LAMA4: variants seen among roughly 807,000 people sequenced by gnomAD.
The protein encoded by LAMA4 is laminin subunit alpha 4.
LAMA4 carries 127 observed loss-of-function variants against 207.1 expected under a neutral mutation model. The observed-to-expected ratio is 0.61, with a 90% CI of 0.53 to 0.71. The LOEUF is 0.71. Ranked by LOEUF, LAMA4 falls within the 30% of genes least tolerant of loss-of-function variation. LAMA4 has a pLI of 0.00. For missense variants in LAMA4, 2,093 were observed against 2,246.5 expected (o/e 0.93, Z 1.38); for synonymous variants, 761 against 816.0 (o/e 0.93, Z 1.15).
chr6:112,176,490 A>C lies in LAMA4; in HGVS notation c.1190-1010T>G, dbSNP rs146521090. Among the ~76,000 whole-genome samples the C allele has an allele frequency of 1.5e-3, 229 of 152,336 alleles. 1 individual carries two copies. Among genetic ancestry groups the C allele is most frequent in the African/African-American group, 5.3e-3 (220 of 41,564 alleles). On this transcript the variant is annotated intron_variant, in intron 10 of 38. Transcript: ENST00000230538. ...TGTATTTTATGTGGATAATAGCTTG[A>C]AGGTCGCCAGCGGTTATTTTAGAGA...
chr6:112,166,563 C>G (rs1461356325), intron 12 of LAMA4: 2 of 153,680 alleles, frequency 1.3e-5, no homozygotes, highest in Non-Finnish European at 2.9e-5. Context: ...CTCTGGGTGA[C>G]TGCGGGAGAA....
intron 4 of LAMA4, among the ~76,000 whole-genome samples, chr6:112,206,066 G>T (rs1481056621): frequency 6.6e-6 from 1 of 152,164 alleles, no homozygotes; most frequent in Non-Finnish European, 1.5e-5. Flanking sequence ...CTCTTTTGGA[G>T]TTGTAACCTT....
Position 112,119,426 on chromosome 6 carries a change from A to C in LAMA4, c.4666-115T>G. 12 of 1,170,814 alleles carry C rather than the reference A, an allele frequency of 1.0e-5. No individual in the cohort carries two copies. In the South Asian group the frequency reaches 1.4e-4, roughly 14 times the overall value. 72.5% of individuals were successfully genotyped at this position (1,170,814 alleles called of 1,614,324 possible). On this transcript the variant is annotated intron_variant, in intron 33 of 38. Transcript: ENST00000230538. ...GCAATGCTGTGGGAAATCTTCAGAA[A>C]GTTTATTTTTAAAATGGCCCCATCT...
intron 6 of LAMA4, among the ~76,000 whole-genome samples, chr6:112,190,904 T>G (rs1554348458): frequency 1.1e-5 from 1 of 88,842 alleles, no homozygotes; most frequent in African/African-American, 4.3e-5. Flanking sequence ...TCTTTCTTTC[T>G]TTCTTTCTTT....
intron 13 of LAMA4, chr6:112,164,159 A>T (rs1424403895): frequency 1.3e-5 from 2 of 152,398 alleles, no homozygotes; most frequent in African/African-American, 2.4e-5. Context: ...AATCTCAGGT[A>T]GGTACAACAG....
At chr6:112,156,491 G>T (rs925202557) in intron 14 of LAMA4, among the ~76,000 whole-genome samples, 1 of 152,060 alleles carries the variant, frequency 6.6e-6, no homozygotes, top group African/African-American at 2.4e-5. Flanking sequence ...ATGTGTACCC[G>T]CATAATTTAT....
intron 2 of LAMA4, chr6:112,251,694 T>C (rs782293445): frequency 6.6e-6 from 1 of 152,240 alleles, no homozygotes; most frequent in Non-Finnish European, 1.5e-5. Flanking sequence ...ATAAAGAGCA[T>C]GGGAAACCTG....
At chr6:112,248,945 A>G (rs1787213099) in intron 2 of LAMA4, among the ~76,000 whole-genome samples, 1 of 152,242 alleles carries the variant, frequency 6.6e-6, no homozygotes, top group South Asian at 2.1e-4. Flanking sequence ...TTCACTATTT[A>G]GTATTAAGAC....
At chr6:112,236,601 A>C (rs1401857751) in intron 2 of LAMA4, 1 of 152,198 alleles carries the variant, frequency 6.6e-6, no homozygotes, top group Non-Finnish European at 1.5e-5. Context: ...GAGATAAAAG[A>C]AGCTTTCCTA....
chr6:112,240,991 TG>T (rs1159084524), intron 2 of LAMA4, among the ~76,000 whole-genome samples: 4 of 150,572 alleles, frequency 2.7e-5, no homozygotes, highest in African/African-American at 9.8e-5. Flanking sequence ...TTTACTACTG[TG>T]TCAGCTCTTT....
At chr6:112,187,428 A>G (rs782416925) in intron 8 of LAMA4, 22 bp downstream of exon 8, 2 of 1,613,974 alleles carry the variant, frequency 1.2e-6, no homozygotes, top group Admixed American at 3.3e-5. Flanking sequence ...AACAGAGTGG[A>G]AAGTAGAACA....
intron 28 of LAMA4, among the ~76,000 whole-genome samples, chr6:112,131,743 C>G (rs1779047053): frequency 6.6e-6 from 1 of 151,960 alleles, no homozygotes; most frequent in East Asian, 2.0e-4. Flanking sequence ...CTACAAAATG[C>G]TTTGGGTAAA....
intron 19 of LAMA4, 46 bp downstream of exon 19, chr6:112,144,748 T>G: frequency 6.2e-7 from 1 of 1,605,860 alleles, no homozygotes; most frequent in South Asian, 1.1e-5. Flanking sequence ...CTCAGCTTCG[T>G]GTTATTATTA....
intron 15 of LAMA4, 186 bp downstream of exon 15, chr6:112,155,379 C>T: frequency 1.5e-6 from 1 of 646,782 alleles, no homozygotes; most frequent in South Asian, 1.9e-5. Flanking sequence ...TGGACTACAG[C>T]ACATCTCGAA....
At chr6:112,132,677 C>A (rs1554330216) in intron 28 of LAMA4, 76 bp downstream of exon 28, 1 of 1,359,010 alleles carries the variant, frequency 7.4e-7, no homozygotes, top group African/African-American at 1.4e-5. Flanking sequence ...TCACTTCTAA[C>A]ATGCATTACA....
At chr6:112,215,870 G>A (rs547558054) in intron 3 of LAMA4, among the ~76,000 whole-genome samples, 1 of 152,290 alleles carries the variant, frequency 6.6e-6, no homozygotes, top group African/African-American at 2.4e-5. Context: ...GACCACAAGG[G>A]CAAAGCTTTC....
intron 2 of LAMA4, among the ~76,000 whole-genome samples, chr6:112,226,842 T>A (rs1785241754): frequency 6.6e-6 from 1 of 152,102 alleles, no homozygotes; most frequent in African/African-American, 2.4e-5. Context: ...GAGGAAAAAG[T>A]CAGTTGCAAA....
chr6:112,207,033 G>A lies in LAMA4; in HGVS notation c.410C>T (p.Pro137Leu). The change falls in exon 4 of 39, where the codon CCC becomes CTC. Residue 137 changes from proline to leucine, a missense_variant. Pro to Leu is a moderately conservative substitution (Grantham distance 98, BLOSUM62 -3). Coordinates refer to ENST00000230538, the MANE Select transcript of LAMA4 (RefSeq NM_001105206.3). ...CTTTAGGACTTACTTGGCCAAGTGGGGCAGGGGACAGGGGCACGGCTGGCA... is the reference window on the plus strand; with the variant it reads ...CTTTAGGACTTACTTGGCCAAGTGGAGCAGGGGACAGGGGCACGGCTGGCA... ...QFCQPCPCPL[P>L]HLANFAESCY... 1.9e-6 allele frequency: 3 copies of A among 1,613,884 alleles called. No individual in the cohort carries two copies. The highest frequency in any genetic ancestry group is 2.5e-6 in the Non-Finnish European group (3 of 1,179,932).
intron 2 of LAMA4, among the ~76,000 whole-genome samples, chr6:112,243,717 C>G (rs1786696794): frequency 6.6e-6 from 1 of 152,066 alleles, no homozygotes; most frequent in African/African-American, 2.4e-5. Flanking sequence ...AAGTAGATAT[C>G]TTTTACAAGA....
Sources: gnomAD v4.1 joint callset for allele counts (sites outside exome capture counted in the v4.1 genomes callset) on GRCh38, gnomAD v4.1.1 for gene constraint, MANE v1.5 for transcripts, NCBI Gene and HGNC (gene_info 2026-07-23, HGNC 2026-07-21) for gene names.